The following ZNF275 variants were observed in gnomAD, a reference collection of about 807,000 sequenced individuals.
The protein encoded by ZNF275 is zinc finger protein 275.
ZNF275 carries 4 observed loss-of-function variants against 4.3 expected under a neutral mutation model. The observed-to-expected ratio is 0.93, with a 90% CI of 0.46 to 2.13. The LOEUF (loss-of-function observed/expected upper bound fraction) is 2.13. Ranked by LOEUF, ZNF275 falls within the 30% of genes most tolerant of loss-of-function variation. The probability of loss-of-function intolerance (pLI) is 0.02; values close to 1 mark genes in which losing one functional copy is unlikely to be tolerated. For missense variants in ZNF275, 352 were observed against 397.1 expected (o/e 0.89, Z 0.97); for synonymous variants, 173 against 166.9 (o/e 1.04, Z -0.28).
In ZNF275 at chrX:153,348,199, G is replaced by A. The variant is rs1363805251; in HGVS notation, c.*224G>A. On this transcript the variant is annotated 3_prime_UTR_variant, in exon 4 of 4. Coordinates refer to ENST00000650114, the MANE Select transcript of ZNF275 (RefSeq NM_001367757.1). ...TTTAACTGGTAGGAAGTACCATCAAGGTATTTCAGTCCACATGCCTTGAAT... is the reference window on the plus strand; with the variant it reads ...TTTAACTGGTAGGAAGTACCATCAAAGTATTTCAGTCCACATGCCTTGAAT... 2 of 205,896 alleles carry A rather than the reference G, an allele frequency of 9.7e-6. No individual in the cohort carries two copies. Among genetic ancestry groups the A allele is most frequent in the African/African-American group, 6.1e-5 (2 of 32,889 alleles). The allele number at this position is 205,896 out of a possible 1,213,427, so 17.0% of individuals were successfully genotyped here. A position where few individuals can be genotyped will look rare whatever the true frequency, so the allele number is the denominator to read the frequency against.
intron 2 of ZNF275, chrX:153,343,473 T>G: frequency 3.0e-6 from 1 of 334,875 alleles, no homozygotes. Context: ...GTACAAATCA[T>G]TCAGCTCTTT....
intron 2 of ZNF275, among the ~76,000 whole-genome samples, chrX:153,342,762 T>C (rs73640032): frequency 0.048 from 5,427 of 112,285 alleles, 340 homozygotes; most frequent in African/African-American, 0.17. Flanking sequence ...ACCCTTTTCC[T>C]GGGCTTTTGG....
At chrX:153,343,569 C>T (rs956280373) in intron 2 of ZNF275, 23 of 290,539 alleles carry the variant, frequency 7.9e-5, no homozygotes, top group Non-Finnish European at 1.2e-4. Context: ...GGGTTGAACA[C>T]GTTAGAGAAC....
Position 153,347,901 on chromosome X carries a change from G to A in ZNF275, c.1216G>A (p.Glu406Lys), listed in dbSNP as rs782529078. The change falls in exon 4 of 4, where the codon GAA becomes AAA. Residue 406 changes from glutamate to lysine, a missense_variant. By Grantham distance (56) the Glu-to-Lys change is moderately conservative. Transcript: ENST00000650114. ...GATCCACAGTGGGGCGCGGCGCTGC[G>A]AATGCAGCCAGTGTGGCCGCGTGTT... Reference protein sequence around the residue: ...RRIHSGARRCECSQCGRVFKR... With the variant: ...RRIHSGARRCKCSQCGRVFKR... The A allele has an allele frequency of 1.8e-5, 21 of 1,183,825 alleles. No homozygotes were observed. The highest frequency in any genetic ancestry group is 3.5e-5 in the African/African-American group (2 of 57,104).
In ZNF275 at chrX:153,351,065, A is replaced by T. The variant is rs954137229; in HGVS notation, c.*3090A>T. On this transcript the variant is annotated 3_prime_UTR_variant, in exon 4 of 4. Transcript: ENST00000650114. ...AAAGTCGTCACTGCTCCCAGCTGGG[A>T]CGTGGTGTCTTGGCATCCCTTCCTG... The T allele has an allele frequency of 8.1e-6, 1 of 123,240 alleles. No homozygotes were observed. The highest frequency in any genetic ancestry group is 1.9e-5 in the Non-Finnish European group (1 of 53,211). 10.2% of individuals were successfully genotyped at this position (123,240 alleles called of 1,213,427 possible).
chrX:153,337,688 G>A (rs1556960707), intron 2 of ZNF275, among the ~76,000 whole-genome samples: 1 of 112,170 alleles, frequency 8.9e-6, no homozygotes, highest in African/African-American at 3.2e-5. Flanking sequence ...TCTAGCAGAT[G>A]TTTGTTAAAC....
At position 153,347,812 on chromosome X, in the gene ZNF275, C is replaced by T; in HGVS notation, c.1127C>T (p.Pro376Leu). 1 of 1,210,287 alleles carries T rather than the reference C, an allele frequency of 8.3e-7. No homozygotes were observed. The change falls in exon 4 of 4, where the codon CCC becomes CTC. Residue 376 changes from proline (P) to leucine (L), a missense_variant. Pro to Leu is a moderately conservative substitution (Grantham distance 98). Transcript: ENST00000650114. ...KHRRIHSGLK[P>L]YECDKCGKAF... is the part of the protein sequence containing the mutation. ...CGGCGCATCCACAGCGGACTGAAAC[C>T]CTATGAGTGCGACAAATGCGGCAAG...
intron 1 of ZNF275, among the ~76,000 whole-genome samples, chrX:153,335,811 T>C (rs1344241714): frequency 9.1e-6 from 1 of 110,046 alleles, no homozygotes; most frequent in Non-Finnish European, 1.9e-5. Context: ...TGTTGAAAAA[T>C]GCAGACTCCT....
rs1290829722 is a variant in ZNF275 at position 153,349,808 on chromosome X, G to A, written c.*1833G>A. Reference sequence around the variant, plus strand: ...TCCTCATCCGAGATGCGGACTCCCTGTCTATCTGTGGGCACCACTTGACTA... The same window carrying A: ...TCCTCATCCGAGATGCGGACTCCCTATCTATCTGTGGGCACCACTTGACTA... On this transcript the variant is annotated 3_prime_UTR_variant, in exon 4 of 4. Transcript: ENST00000650114. 2 of 123,435 alleles carry A rather than the reference G, an allele frequency of 1.6e-5. No homozygotes were observed. The highest frequency in any genetic ancestry group is 3.8e-5 in the Non-Finnish European group (2 of 53,274). The allele number at this position is 123,435 out of a possible 1,213,427, so 10.2% of individuals were successfully genotyped here.
At chrX:153,335,840 C>T (rs1422649267) in intron 1 of ZNF275, among the ~76,000 whole-genome samples, 1 of 110,525 alleles carries the variant, frequency 9.0e-6, no homozygotes, top group Admixed American at 9.6e-5. Flanking sequence ...CCCAAACCTG[C>T]GAAACTCCCA....
intron 1 of ZNF275, chrX:153,335,611 G>A (rs997627108): frequency 1.8e-5 from 2 of 108,641 alleles, no homozygotes; most frequent in Non-Finnish European, 3.8e-5. Flanking sequence ...AAATCTACCA[G>A]AACTTGTGAA....
At position 153,346,809 on chromosome X, in the gene ZNF275, A is replaced by G; in HGVS notation, c.134-10A>G. 1 of 1,180,873 alleles carries G rather than the reference A, an allele frequency of 8.5e-7. No homozygotes were observed. On this transcript the variant is annotated splice_polypyrimidine_tract_variant and intron_variant, in intron 3 of 3. Transcript: ENST00000650114. ...CTGCAGACTACACTGCCTTGTGTTT[A>G]TCGTTTCAGAAAGCACCTCCGCGAC... is the stretch of plus-strand genomic sequence containing the variant.
At chrX:153,339,398 G>T (rs183870780) in intron 2 of ZNF275, among the ~76,000 whole-genome samples, 41 of 111,980 alleles carry the variant, frequency 3.7e-4, no homozygotes, top group Non-Finnish European at 3.8e-4. Context: ...TGTGGGCCAG[G>T]CGCAGTGGCT....
chrX:153,338,817 C>T (rs2088463491), intron 2 of ZNF275, among the ~76,000 whole-genome samples: 1 of 109,281 alleles, frequency 9.2e-6, no homozygotes, highest in African/African-American at 3.3e-5. Context: ...CACCCAAACA[C>T]CCATATATAC....
In ZNF275 at chrX:153,347,099, T is replaced by A. The variant is rs371573618; in HGVS notation, c.414T>A (p.Phe138Leu). ...AATGTGGCGACTGCGGGAAGGTCTT[T>A]AGGGGGGTGGCGGAGTTTAATGAGC... is the stretch of plus-strand genomic sequence containing the variant. Reference protein sequence around the residue: ...GWECGDCGKVFRGVAEFNEHR... With the variant: ...GWECGDCGKVLRGVAEFNEHR... The change falls in exon 4 of 4, where the codon TTT becomes TTA. Residue 138 changes from phenylalanine to leucine, a missense_variant. Phe to Leu is a conservative substitution (Grantham distance 22). Coordinates refer to ENST00000650114, the MANE Select transcript of ZNF275 (RefSeq NM_001367757.1). 3.3e-6 allele frequency: 4 copies of A among 1,210,757 alleles called. No homozygotes were observed. The highest frequency in any genetic ancestry group is 1.7e-5 in the African/African-American group (1 of 57,571).
chrX:153,346,687 G>A (rs2088517651), intron 3 of ZNF275, 132 bp from the exon 4 acceptor site: 1 of 653,460 alleles, frequency 1.5e-6, no homozygotes, highest in Non-Finnish European at 2.2e-6. Flanking sequence ...TGCAGTCCTT[G>A]CTTCTGGTGG....
rs1459364589 is a variant in ZNF275, at chrX:153,350,923, C to G, written c.*2948C>G. 1 of 123,592 alleles carries G rather than the reference C, an allele frequency of 8.1e-6. No homozygotes were observed. The highest frequency in any genetic ancestry group is 1.9e-5 in the Non-Finnish European group (1 of 53,317). 10.2% of individuals were successfully genotyped at this position (123,592 alleles called of 1,213,427 possible). A position where few individuals can be genotyped will look rare whatever the true frequency, so the allele number is the denominator to read the frequency against. On this transcript the variant is annotated 3_prime_UTR_variant, in exon 4 of 4. Transcript: ENST00000650114. The stretch of plus-strand genomic sequence containing the variant: ...TCTGGCACCTTTACCTAGAAGTACT[C>G]TGCCATGTCTTGCCCGTTCATTTAT...
At chrX:153,341,372 A>G (rs1262980801) in intron 2 of ZNF275, among the ~76,000 whole-genome samples, 3 of 112,240 alleles carry the variant, frequency 2.7e-5, no homozygotes, top group African/African-American at 9.7e-5. Flanking sequence ...AGAGTCTTGG[A>G]GGACTTGTCA....
intron 2 of ZNF275, among the ~76,000 whole-genome samples, chrX:153,338,241 T>A (rs890891951): frequency 5.4e-5 from 6 of 112,092 alleles, no homozygotes; most frequent in African/African-American, 1.3e-4. Flanking sequence ...ATGTGTTATC[T>A]TTTTTTAATG....
Sources: gnomAD v4.1 joint callset for allele counts (sites outside exome capture counted in the v4.1 genomes callset) on GRCh38, gnomAD v4.1.1 for gene constraint, MANE v1.5 for transcripts, NCBI Gene and HGNC (gene_info 2026-07-23, HGNC 2026-07-21) for gene names.